NPEPPS: variants seen among roughly 807,000 people sequenced by gnomAD.
NPEPPS encodes the protein aminopeptidase puromycin sensitive, also known as puromycin-sensitive aminopeptidase.
A neutral mutation model predicts 115.5 loss-of-function variants in NPEPPS; 14 were observed. That is an observed-to-expected ratio of 0.12 (90% CI 0.08 to 0.19). The LOEUF is 0.19. NPEPPS is among the 10% of genes least tolerant of loss of function. The pLI is 1.00. For missense variants in NPEPPS, 523 were observed against 1,110.8 expected, an observed-to-expected ratio of 0.47 and a Z score of 7.52; for synonymous variants, 285 against 390.6, an observed-to-expected ratio of 0.73 and a Z score of 3.19.
chr17:47,604,317 A>G (rs1239800971), intron 16 of NPEPPS, among the ~76,000 whole-genome samples: 1 of 152,220 alleles, frequency 6.6e-6, no homozygotes, highest in African/African-American at 2.4e-5. Flanking sequence ...TTCAGTAGAA[A>G]TAAATATAAG....
Position 47,623,052 on chromosome 17 carries a change from TTAAATC to T in NPEPPS, c.*1140_*1145del, listed in dbSNP as rs1914690628. The T allele has an allele frequency of 9.0e-6, 3 of 332,058 alleles. No homozygotes were observed. Among genetic ancestry groups the T allele is most frequent in the South Asian group, 6.9e-5 (3 of 43,452 alleles). 20.6% of individuals were successfully genotyped at this position (332,058 alleles called of 1,614,324 possible). On this transcript the variant is annotated 3_prime_UTR_variant, in exon 23 of 23. Coordinates refer to ENST00000322157, the MANE Select transcript of NPEPPS (RefSeq NM_006310.4). Reference sequence around the variant, plus strand: ...CCTCACCTATTTAATCCAATGAGTTTTAAATCTAAATCTCATTCCCTTCTTCTTTCC... The same window carrying T: ...CCTCACCTATTTAATCCAATGAGTTTTAAATCTCATTCCCTTCTTCTTTCC...
chr17:47,601,003 C>T (rs932358401), intron 14 of NPEPPS, among the ~76,000 whole-genome samples: 6 of 151,734 alleles, frequency 4.0e-5, no homozygotes, highest in Non-Finnish European at 5.9e-5. Context: ...CGTGTGGATC[C>T]CTTGAGGCCA....
chr17:47,591,425 A>G (rs979236724), intron 10 of NPEPPS, among the ~76,000 whole-genome samples: 4 of 152,132 alleles, frequency 2.6e-5, no homozygotes, highest in Non-Finnish European at 5.9e-5. Flanking sequence ...GGGTAACACT[A>G]TGGTTCCATT....
chr17:47,568,076 A>C (rs527557132), intron 2 of NPEPPS, among the ~76,000 whole-genome samples: 16 of 152,264 alleles, frequency 1.1e-4, no homozygotes, highest in Admixed American at 6.5e-4. Flanking sequence ...AGGAATTGCC[A>C]AACTGTTTTC....
Position 47,531,144 on chromosome 17 carries a change from CCCCTTCCCTCCCCTCCG to C in NPEPPS, c.-153_-137del. ...TCCCTCCCTCCTTGCGGGCCCTCCT[CCCCTTCCCTCCCCTCCG>C]CCCCCTTCCCCGTAGGCAGCCCGCC... On this transcript the variant is annotated 5_prime_UTR_variant, in exon 1 of 23. Coordinates refer to ENST00000322157, the MANE Select transcript of NPEPPS (RefSeq NM_006310.4). The C allele has an allele frequency of 2.0e-6, 1 of 494,036 alleles. No individual in the cohort carries two copies. The highest frequency in any genetic ancestry group is 2.8e-6 in the Non-Finnish European group (1 of 354,000). The allele number at this position is 494,036 out of a possible 1,614,324, so 30.6% of individuals were successfully genotyped here.
At position 47,545,889 on chromosome 17, in the gene NPEPPS, G is replaced by A. The variant is rs1909163838; in HGVS notation, c.256-20G>A. The A allele has an allele frequency of 6.6e-7, 1 of 1,514,158 alleles. No individual in the cohort carries two copies. The highest frequency in any genetic ancestry group is 1.4e-5 in the African/African-American group (1 of 72,252). 93.8% of individuals were successfully genotyped at this position (1,514,158 alleles called of 1,614,324 possible). ...AATCTAGGCTATTTCTGACACTGTT[G>A]ATTTTCCTTTTCCCCTTAGGTGAGG... On this transcript the variant is annotated intron_variant, in intron 1 of 22. Transcript: ENST00000322157.
intron 19 of NPEPPS, among the ~76,000 whole-genome samples, chr17:47,617,340 G>A (rs577440128): frequency 1.3e-5 from 2 of 152,152 alleles, no homozygotes; most frequent in African/African-American, 4.8e-5. Context: ...CCATTTTGAT[G>A]TATTTCCAGG....
intron 3 of NPEPPS, among the ~76,000 whole-genome samples, chr17:47,574,922 T>C (rs2143819590): frequency 6.6e-6 from 1 of 152,300 alleles, no homozygotes; most frequent in African/African-American, 2.4e-5. Flanking sequence ...CTGTTACTTC[T>C]ATTTTGTAGA....
At chr17:47,599,079 A>G (rs1051661365) in intron 13 of NPEPPS, among the ~76,000 whole-genome samples, 1 of 152,214 alleles carries the variant, frequency 6.6e-6, no homozygotes, top group African/African-American at 2.4e-5. Flanking sequence ...GCTGTGTAAC[A>G]TATCTTGATT....
intron 3 of NPEPPS, among the ~76,000 whole-genome samples, chr17:47,570,174 C>T (rs533203574): frequency 3.3e-5 from 5 of 152,256 alleles, no homozygotes; most frequent in African/African-American, 9.6e-5. Flanking sequence ...GCAATCCTAG[C>T]GCTTTGGGAG....
At chr17:47,594,597 TTATG>T (rs1912734320) in intron 12 of NPEPPS, among the ~76,000 whole-genome samples, 2 of 48,138 alleles carry the variant, frequency 4.2e-5, no homozygotes, top group African/African-American at 1.4e-4. Context: ...TTATTTTATG[TTATG>T]TTATGTTATG....
intron 12 of NPEPPS, among the ~76,000 whole-genome samples, chr17:47,594,563 A>G (rs1243443732): frequency 6.7e-6 from 1 of 149,958 alleles, no homozygotes; most frequent in Non-Finnish European, 1.5e-5. Flanking sequence ...GGCATGTGCC[A>G]CCACGGCCGG....
intron 12 of NPEPPS, among the ~76,000 whole-genome samples, chr17:47,595,611 G>A (rs924016578): frequency 2.6e-5 from 4 of 152,144 alleles, no homozygotes; most frequent in African/African-American, 9.7e-5. Flanking sequence ...GGGAGGCTGA[G>A]GCAGGTGGAT....
rs1211387729 is a variant in NPEPPS, at chr17:47,559,078, C to G, written c.341-10339C>G. 2.6e-5 allele frequency among the ~76,000 whole-genome samples: 4 copies of G among 151,258 alleles called. No homozygotes were observed. The South Asian group carries it at 8.3e-4, about 31-fold the overall frequency. ...AAAAAAAAAAAGATAGGGTCTTGCT[C>G]TGTCACCCAGGCCAGAGTGCAGTGA... On this transcript the variant is annotated intron_variant, in intron 2 of 22. Transcript: ENST00000322157.
intron 12 of NPEPPS, 86 bp downstream of exon 12, chr17:47,592,631 C>T: frequency 8.1e-7 from 1 of 1,239,996 alleles, no homozygotes; most frequent in Middle Eastern, 1.9e-4. Flanking sequence ...GTTCTGAATA[C>T]TTAAGGTCAG....
chr17:47,575,435 CAAGTT>C (rs1017351811), intron 3 of NPEPPS, among the ~76,000 whole-genome samples: 1 of 151,514 alleles, frequency 6.6e-6, no homozygotes. Context: ...TAATAACAAA[CAAGTT>C]AGAGAAGGTT....
At chr17:47,575,851 G>A (rs796375742) in intron 3 of NPEPPS, among the ~76,000 whole-genome samples, 3 of 151,606 alleles carry the variant, frequency 2.0e-5, no homozygotes, top group Admixed American at 6.6e-5. Flanking sequence ...CTCGTGATCC[G>A]CCCACCTCGG....
chr17:47,527,776 CAAAT>C (rs1340616555), upstream of NPEPPS, among the ~76,000 whole-genome samples: 1 of 151,004 alleles, frequency 6.6e-6, no homozygotes, highest in Non-Finnish European at 1.5e-5. Flanking sequence ...AACAAACAAA[CAAAT>C]AAAACTAAAA....
At position 47,605,565 on chromosome 17, in the gene NPEPPS, C is replaced by T; in HGVS notation, c.2095+13C>T. ...AAACCTGGAGAAGGTAATGGATATA[C>T]TAAATGGAGAAAGAATTACGCAGAA... On this transcript the variant is annotated intron_variant, in intron 17 of 22. Transcript: ENST00000322157. The T allele has an allele frequency of 6.7e-7, 1 of 1,489,518 alleles. No individual in the cohort carries two copies. The highest frequency in any genetic ancestry group is 9.2e-7 in the Non-Finnish European group (1 of 1,084,668). The allele number at this position is 1,489,518 out of a possible 1,614,324, so 92.3% of individuals were successfully genotyped here.
Sources: allele counts gnomAD v4.1 joint callset (sites outside exome capture counted in the v4.1 genomes callset), GRCh38; gene constraint gnomAD v4.1.1; transcripts MANE v1.5; gene names NCBI Gene and HGNC (gene_info 2026-07-23, HGNC 2026-07-21).